PCDHA2: variants seen among roughly 807,000 people sequenced by gnomAD.
The protein encoded by PCDHA2 is protocadherin alpha-2.
In PCDHA2, 58 loss-of-function variants were observed where a neutral mutation model predicts 66.0. The ratio of observed to expected loss-of-function variants is 0.88; its 90% confidence interval spans 0.71 to 1.09. PCDHA2 has a LOEUF of 1.09. Among genes scored for constraint, PCDHA2 ranks in the 50% least tolerant of loss-of-function variants. The pLI is 0.00. For missense variants in PCDHA2, 1,267 were observed against 1,242.3 expected, an observed-to-expected ratio of 1.02 and a Z score of -0.30; for synonymous variants, 634 against 554.0, an observed-to-expected ratio of 1.14 and a Z score of -2.03.
rs1272806838 is a variant in PCDHA2, at chr5:140,818,351, CATTG to C, written c.2388+21005_2388+21008del. ...TGTTATTCTAGGCCACTGTCAAAGTCATTGATTGAATTCTTAACTTGAATCGTGG... is the reference window on the plus strand; with the variant it reads ...TGTTATTCTAGGCCACTGTCAAAGTCATTGAATTCTTAACTTGAATCGTGG... On this transcript the variant is annotated intron_variant, in intron 1 of 3. Coordinates refer to ENST00000526136, the MANE Select transcript of PCDHA2 (RefSeq NM_018905.3). 7.2e-5 allele frequency among the ~76,000 whole-genome samples: 11 copies of C among 152,282 alleles called. No individual in the cohort carries two copies. The South Asian group carries it at 2.3e-3, about 32-fold the overall frequency.
chr5:140,869,136 C>T (rs1554162510), intron 1 of PCDHA2: 5 of 1,613,054 alleles, frequency 3.1e-6, no homozygotes, highest in South Asian at 1.1e-5. Context: ...GATTGGGCAC[C>T]CCACGACTAC....
chr5:140,850,087 TAC>T (rs2041337151), intron 1 of PCDHA2: 1 of 1,596,398 alleles, frequency 6.3e-7, no homozygotes, highest in African/African-American at 1.3e-5. Context: ...CTGGAGCTGC[TAC>T]AGTTCCAGGT....
intron 1 of PCDHA2, among the ~76,000 whole-genome samples, chr5:140,846,373 C>CTTTTTTTTTTTTTTTTT (rs374699051): frequency 1.8e-5 from 1 of 55,150 alleles, no homozygotes. Flanking sequence ...TTCTTTCTTT[C>CTTTTTTTTTTTTTTTTT]TTTTTTTTTT....
rs559337177 is a variant in PCDHA2 at position 140,853,682 on chromosome 5, A to G, written c.2388+56330A>G. On this transcript the variant is annotated intron_variant, in intron 1 of 3. Transcript: ENST00000526136. ...ACAAATTGGGGCCTATGGTCAACCT[A>G]TCCTTAGACCTGCTAACGCATTAGC... 95 of 988,426 alleles carry G rather than the reference A, an allele frequency of 9.6e-5. 12 individuals are homozygous for G. The highest frequency in any genetic ancestry group is 1.1e-4 in the Non-Finnish European group (93 of 820,328). The allele number at this position is 988,426 out of a possible 1,614,324, so 61.2% of individuals were successfully genotyped here.
In PCDHA2 at chr5:140,802,881, G is replaced by A. The variant is rs190722768; in HGVS notation, c.2388+5529G>A. 22 of 1,613,772 alleles carry A rather than the reference G, an allele frequency of 1.4e-5. No individual in the cohort carries two copies. In the Admixed American group the frequency reaches 3.3e-4, roughly 24 times the overall value. ...GTTCGTGCTGGACGAGAACGACAAC[G>A]CGCCGGCACTGCTGATGCCTCGGGT... On this transcript the variant is annotated intron_variant, in intron 1 of 3. Coordinates refer to ENST00000526136, the MANE Select transcript of PCDHA2 (RefSeq NM_018905.3).
chr5:140,927,953 C>T (rs782230690), intron 1 of PCDHA2: 48 of 1,614,090 alleles, frequency 3.0e-5, no homozygotes, highest in Non-Finnish European at 2.1e-5. Flanking sequence ...GAGGACGCTG[C>T]CCCTGGCACA....
chr5:140,876,376 A>G (rs2056310624), intron 1 of PCDHA2: 1 of 1,613,840 alleles, frequency 6.2e-7, no homozygotes, highest in African/African-American at 1.3e-5. Flanking sequence ...CACAGGTGAA[A>G]TTAGAATTTA....
In PCDHA2 at chr5:140,888,751, C is replaced by T. The variant is rs947840835; in HGVS notation, c.2389-90198C>T. On this transcript the variant is annotated intron_variant, in intron 1 of 3. Transcript: ENST00000526136. ...TTGTGAGCTCTAGGAATTATTCTAC[C>T]CACTTTTTTTTTTAATTTTGAAGGG... Among the ~76,000 whole-genome samples, 4 of 151,800 alleles carry T rather than the reference C, an allele frequency of 2.6e-5. No individual in the cohort carries two copies. The South Asian group carries it at 8.3e-4, about 32-fold the overall frequency.
chr5:141,010,063 G>C lies in PCDHA2; in HGVS notation c.*126G>C, dbSNP rs1393265789. ...CTCTTAGAGACCTCAGAAATCTGCA[G>C]AAAGTTCCCTGTGTCTGTCTAGAAC... On this transcript the variant is annotated 3_prime_UTR_variant, in exon 4 of 4. Transcript: ENST00000526136. 31 of 1,602,790 alleles carry C rather than the reference G, an allele frequency of 1.9e-5. No individual in the cohort carries two copies. The highest frequency in any genetic ancestry group is 2.6e-5 in the Non-Finnish European group (31 of 1,174,498).
At chr5:140,841,119 T>G (rs572378133) in intron 1 of PCDHA2, 1 of 628,942 alleles carries the variant, frequency 1.6e-6, no homozygotes, top group East Asian at 2.8e-5. Flanking sequence ...ATTCATGTAA[T>G]CATTACCTTT....
intron 1 of PCDHA2, chr5:140,810,864 T>C (rs1429757460): frequency 6.6e-6 from 1 of 152,174 alleles, no homozygotes; most frequent in Non-Finnish European, 1.5e-5. Flanking sequence ...AATTTATCAA[T>C]TTTTGCTTCT....
intron 1 of PCDHA2, chr5:140,871,124 C>T (rs782035990): frequency 1.9e-6 from 3 of 1,613,326 alleles, no homozygotes; most frequent in Non-Finnish European, 8.5e-7. Context: ...AGCGGACAGG[C>T]GCCAAAGGCC....
At chr5:140,893,119 C>T (rs2063831505) in intron 1 of PCDHA2, among the ~76,000 whole-genome samples, 1 of 152,174 alleles carries the variant, frequency 6.6e-6, no homozygotes, top group Admixed American at 6.5e-5. Context: ...TGTGCATATA[C>T]ACCACATTTT....
At position 140,929,224 on chromosome 5, in the gene PCDHA2, G is replaced by A. The variant is rs138816649; in HGVS notation, c.2389-49725G>A. 8.1e-6 allele frequency: 13 copies of A among 1,613,792 alleles called. No individual in the cohort carries two copies. In the African/African-American group the frequency reaches 1.5e-4, roughly 18 times the overall value. ...GCTGTTGCGTGGGGAGTACAATGCT[G>A]CCGACCTGCGAAATCTTGCCACTGG... On this transcript the variant is annotated intron_variant, in intron 1 of 3. Transcript: ENST00000526136.
At chr5:140,970,663 CAAAT>C (rs1216768545) in intron 1 of PCDHA2, among the ~76,000 whole-genome samples, 1 of 152,136 alleles carries the variant, frequency 6.6e-6, no homozygotes, top group Non-Finnish European at 1.5e-5. Flanking sequence ...GTTATCTTTC[CAAAT>C]AACTACTTTG....
chr5:140,939,803 T>C (rs2092462819), intron 1 of PCDHA2, among the ~76,000 whole-genome samples: 1 of 152,228 alleles, frequency 6.6e-6, no homozygotes, highest in African/African-American at 2.4e-5. Flanking sequence ...ATGTTCTGCA[T>C]GTTCAAGAAA....
chr5:140,834,570 C>T, intron 1 of PCDHA2: 1 of 1,614,086 alleles, frequency 6.2e-7, no homozygotes, highest in Non-Finnish European at 8.5e-7. Flanking sequence ...GGTGCCGCGC[C>T]TGTTCCGGGC....
chr5:140,879,539 A>G (rs1554170849), intron 1 of PCDHA2, among the ~76,000 whole-genome samples: 1 of 152,238 alleles, frequency 6.6e-6, no homozygotes, highest in Non-Finnish European at 1.5e-5. Flanking sequence ...CAACTCCTTT[A>G]GAGAAAAAAA....
At chr5:140,939,104 T>G (rs2092317491) in intron 1 of PCDHA2, among the ~76,000 whole-genome samples, 1 of 152,160 alleles carries the variant, frequency 6.6e-6, no homozygotes, top group South Asian at 2.1e-4. Context: ...CAATAGAAAT[T>G]TATTTTTCAC....
Sources: allele counts gnomAD v4.1 joint callset (sites outside exome capture counted in the v4.1 genomes callset), GRCh38; gene constraint gnomAD v4.1.1; transcripts MANE v1.5; gene names NCBI Gene and HGNC (gene_info 2026-07-23, HGNC 2026-07-21).